The following RNLS variants were observed in gnomAD, a reference collection of about 807,000 sequenced individuals.
RNLS encodes the protein renalase, FAD dependent amine oxidase.
In RNLS, 39 loss-of-function variants were observed where a neutral mutation model predicts 39.8. The observed-to-expected ratio is 0.98, with a 90% CI of 0.76 to 1.28. RNLS has a LOEUF of 1.28. Among genes scored for constraint, RNLS ranks in the 50% most tolerant of loss-of-function variants. The pLI is 0.00. For missense variants in RNLS, 410 were observed against 413.3 expected (o/e 0.99, Z 0.07); for synonymous variants, 147 against 150.7 (o/e 0.98, Z 0.18).
chr10:88,310,801 CAA>C (rs577838661), intron 6 of RNLS, among the ~76,000 whole-genome samples: 302 of 19,570 alleles, frequency 0.015, 4 homozygotes, highest in South Asian at 0.035. Context: ...CTACCTCTGC[CAA>C]AAAAAAAAAA....
At chr10:88,301,140 G>GA (rs536594443) in intron 6 of RNLS, among the ~76,000 whole-genome samples, 1 of 151,920 alleles carries the variant, frequency 6.6e-6, no homozygotes, top group Non-Finnish European at 1.5e-5. Context: ...GAGTATATGA[G>GA]AAAAAAATGA....
chr10:88,192,336 A>G, the RNLS span, among the ~76,000 whole-genome samples: 12 of 152,230 alleles, frequency 7.9e-5, no homozygotes, highest in African/African-American at 2.9e-4. Flanking sequence ...AGCACCTGGC[A>G]CATGGGAAGT....
intron 4 of RNLS, among the ~76,000 whole-genome samples, chr10:88,545,799 C>G (rs940978985): frequency 7.9e-5 from 12 of 152,102 alleles, no homozygotes; most frequent in Non-Finnish European, 1.6e-4. Flanking sequence ...TCTGCCATAT[C>G]TATGTATATA....
the RNLS span, among the ~76,000 whole-genome samples, chr10:88,246,148 C>T: frequency 6.6e-6 from 1 of 152,172 alleles, no homozygotes; most frequent in East Asian, 1.9e-4. Flanking sequence ...GTCTGCAGTG[C>T]AAAGCGGCTT....
chr10:88,545,448 A>G (rs1269889240), intron 4 of RNLS: 1 of 456,408 alleles, frequency 2.2e-6, no homozygotes, highest in South Asian at 1.5e-5. Flanking sequence ...GAGCAAAGGC[A>G]TGACTTACGT....
At chr10:88,279,040 A>G (rs1456976590) in intron 6 of RNLS, among the ~76,000 whole-genome samples, 1 of 152,196 alleles carries the variant, frequency 6.6e-6, no homozygotes, top group South Asian at 2.1e-4. Context: ...GTAAGTACAC[A>G]TGGGGTAAGT....
intron 5 of RNLS, among the ~76,000 whole-genome samples, chr10:88,348,749 C>A (rs1379033788): frequency 6.6e-6 from 1 of 152,080 alleles, no homozygotes; most frequent in Non-Finnish European, 1.5e-5. Flanking sequence ...TGTTCCATAG[C>A]CCTCATTTTT....
At chr10:88,209,604 C>A in the RNLS span, among the ~76,000 whole-genome samples, 1 of 152,084 alleles carries the variant, frequency 6.6e-6, no homozygotes, top group South Asian at 2.1e-4. Context: ...TTGTTGAAAC[C>A]ACCCAATGTG....
intron 4 of RNLS, among the ~76,000 whole-genome samples, chr10:88,485,405 A>G (rs1844431490): frequency 6.6e-6 from 1 of 151,912 alleles, no homozygotes; most frequent in African/African-American, 2.4e-5. Context: ...ATATCCATAT[A>G]AAAATATGAA....
chr10:88,583,069 CCACCTGAG>C lies in RNLS; in HGVS notation c.114_118+3del. On this transcript the variant is annotated splice_donor_variant and splice_donor_region_variant and coding_sequence_variant and intron_variant, in exon 1 of 7. Transcript: ENST00000331772. LOFTEE classifies it high-confidence loss of function. ...TCCCAGGTTTTGGCGTTTAGACAAC[CCACCTGAG>C]TCCTCAGCCTTGTCCCACACAGCAA... 1.2e-6 allele frequency: 2 copies of C among 1,609,904 alleles called. No homozygotes were observed. The highest frequency in any genetic ancestry group is 1.7e-6 in the Non-Finnish European group (2 of 1,177,596).
chr10:88,183,192 A>G, the RNLS span, among the ~76,000 whole-genome samples: 10 of 152,270 alleles, frequency 6.6e-5, no homozygotes, highest in African/African-American at 2.4e-4. Flanking sequence ...GCAAGCTATG[A>G]TGGCTTGAAT....
chr10:88,298,044 G>A (rs1844217162), intron 6 of RNLS, among the ~76,000 whole-genome samples: 1 of 151,940 alleles, frequency 6.6e-6, no homozygotes, highest in Non-Finnish European at 1.5e-5. Context: ...GTATCTTATT[G>A]TGATTTTGAT....
rs761062034 is a variant in RNLS, at chr10:88,573,012, ATC to A, written c.415_416del (p.Asp139Ter). 1.9e-6 allele frequency: 3 copies of A among 1,614,046 alleles called. No individual in the cohort carries two copies. Among genetic ancestry groups the A allele is most frequent in the Non-Finnish European group, 1.7e-6 (2 of 1,179,930 alleles). ...TTTGTTTGGATACTTCCCATTTGTC[ATC>A]TCTTAGGTTGATCTGTGTCACACGA... ...RHRVTQINLR[D>X]DKWEVSKQTG... is the part of the protein sequence containing the mutation. On this transcript the variant is annotated frameshift_variant, in exon 4 of 7. Transcript: ENST00000331772. LOFTEE classifies it high-confidence loss of function.
the RNLS span, among the ~76,000 whole-genome samples, chr10:88,222,867 G>A: frequency 2.0e-5 from 3 of 152,234 alleles, no homozygotes; most frequent in African/African-American, 7.2e-5. Flanking sequence ...CACAGCAAAG[G>A]AGGCAGCTAT....
At chr10:88,402,706 G>T (rs1480455859) in intron 4 of RNLS, among the ~76,000 whole-genome samples, 2 of 151,888 alleles carry the variant, frequency 1.3e-5, no homozygotes, top group South Asian at 4.1e-4. Flanking sequence ...CTATTTTATA[G>T]AATGTTCTAG....
intron 4 of RNLS, among the ~76,000 whole-genome samples, chr10:88,539,042 A>G (rs1197243362): frequency 2.6e-5 from 4 of 152,142 alleles, no homozygotes; most frequent in Non-Finnish European, 5.9e-5. Flanking sequence ...TAGTGAACAT[A>G]AACTGTAGTT....
chr10:88,397,405 GA>G, intron 4 of RNLS, among the ~76,000 whole-genome samples: 1 of 151,960 alleles, frequency 6.6e-6, no homozygotes, highest in Admixed American at 6.6e-5. Context: ...AGGGACGTTA[GA>G]AAATACTTTG....
At chr10:88,320,041 A>T (rs1050542790) in intron 5 of RNLS, among the ~76,000 whole-genome samples, 7 of 152,090 alleles carry the variant, frequency 4.6e-5, no homozygotes, top group African/African-American at 1.7e-4. Flanking sequence ...GGCACCTGAA[A>T]AAAAGGGATA....
intron 4 of RNLS, among the ~76,000 whole-genome samples, chr10:88,470,179 C>T (rs1172138766): frequency 1.3e-5 from 2 of 151,186 alleles, no homozygotes; most frequent in East Asian, 1.9e-4. Context: ...TTTTTTTAAG[C>T]TTTTATTTTA....
Sources: allele counts gnomAD v4.1 joint callset (sites outside exome capture counted in the v4.1 genomes callset), GRCh38; gene constraint gnomAD v4.1.1; transcripts MANE v1.5; gene names NCBI Gene and HGNC (gene_info 2026-07-23, HGNC 2026-07-21).